The following ANOS1 variants were observed in gnomAD, a reference collection of about 807,000 sequenced individuals.
ANOS1 encodes the protein anosmin 1, also known as anosmin-1.
A neutral mutation model predicts 59.0 loss-of-function variants in ANOS1; 6 were observed. The ratio of observed to expected loss-of-function variants is 0.10; its 90% CI spans 0.06 to 0.20. ANOS1 has a LOEUF of 0.20. Ranked by LOEUF, ANOS1 falls within the 10% of genes least tolerant of loss-of-function variation. ANOS1 has a pLI of 1.00. For missense variants in ANOS1, 433 were observed against 542.3 expected, an observed-to-expected ratio of 0.80 and a Z score of 2.00; for synonymous variants, 217 against 223.4, an observed-to-expected ratio of 0.97 and a Z score of 0.25.
chrX:8,732,005 G>T lies in ANOS1; in HGVS notation c.32C>A (p.Thr11Asn), dbSNP rs1449849194. The change falls in exon 1 of 14, where the codon ACC (threonine) becomes AAC (asparagine). Residue 11 changes from threonine (T) to asparagine (N), a missense_variant. Transcript: ENST00000262648. MVPGVPGAVL[T>N]LCLWLAASSG... The stretch of plus-strand genomic sequence containing the variant: ...GGAGGCCGCCAGCCAGAGGCAGAGG[G>T]TCAGGACCGCGCCGGGCACCCCGGG... 1 of 1,049,942 alleles carries T rather than the reference G, an allele frequency of 9.5e-7. No individual in the cohort carries two copies. Among genetic ancestry groups the T allele is most frequent in the East Asian group, 4.2e-5 (1 of 24,003 alleles). The allele number at this position is 1,049,942 out of a possible 1,213,427, so 86.5% of individuals were successfully genotyped here. A position where few individuals can be genotyped will look rare whatever the true frequency, so the allele number is the denominator to read the frequency against.
At chrX:8,558,194 A>G (rs1190615168) in intron 8 of ANOS1, among the ~76,000 whole-genome samples, 1 of 110,538 alleles carries the variant, frequency 9.0e-6, no homozygotes, top group African/African-American at 3.3e-5. Flanking sequence ...AAGGGGAGGG[A>G]CAGTGTTAGG....
At chrX:8,666,028 C>G (rs1932128320) in intron 2 of ANOS1, among the ~76,000 whole-genome samples, 1 of 109,200 alleles carries the variant, frequency 9.2e-6, no homozygotes, top group African/African-American at 3.4e-5. Context: ...ATAGCAAGAT[C>G]TTGTCTCTTC....
chrX:8,532,934 C>T lies in ANOS1; in HGVS notation c.*61G>A, dbSNP rs192225078. ...ACTGCCTCTGGAAGTGTGCATGTCT[C>T]GTGGCCGAAGTTCAACAAGCTTACA... is the stretch of plus-strand genomic sequence containing the variant. On this transcript the variant is annotated 3_prime_UTR_variant, in exon 14 of 14. Coordinates refer to ENST00000262648, the MANE Select transcript of ANOS1 (RefSeq NM_000216.4). 18 of 726,492 alleles carry T rather than the reference C, an allele frequency of 2.5e-5. No individual in the cohort carries two copies. In the East Asian group the frequency reaches 2.9e-4, roughly 12 times the overall value. 59.9% of individuals were successfully genotyped at this position (726,492 alleles called of 1,213,427 possible). A position where few individuals can be genotyped will look rare whatever the true frequency, so the allele number is the denominator to read the frequency against.
chrX:8,695,199 C>G (rs762462154), intron 2 of ANOS1, among the ~76,000 whole-genome samples: 36 of 111,805 alleles, frequency 3.2e-4, no homozygotes, highest in African/African-American at 1.1e-3. Flanking sequence ...GTAATCCCAG[C>G]TACTGGGGAG....
intron 1 of ANOS1, among the ~76,000 whole-genome samples, chrX:8,724,544 G>A (rs1023950790): frequency 1.8e-5 from 2 of 112,283 alleles, no homozygotes; most frequent in Non-Finnish European, 1.9e-5. Flanking sequence ...AGAGCCAATC[G>A]CCATGGTCTG....
chrX:8,621,399 T>C (rs928507192), intron 3 of ANOS1, among the ~76,000 whole-genome samples: 4 of 110,205 alleles, frequency 3.6e-5, no homozygotes, highest in Non-Finnish European at 7.6e-5. Context: ...TATAGATGTA[T>C]AGTTTGTGTA....
intron 1 of ANOS1, among the ~76,000 whole-genome samples, chrX:8,718,222 A>G (rs1932852876): frequency 9.0e-6 from 1 of 110,954 alleles, no homozygotes; most frequent in Non-Finnish European, 1.9e-5. Context: ...TTGAGGACAC[A>G]GTCTCACTCT....
intron 1 of ANOS1, among the ~76,000 whole-genome samples, chrX:8,719,647 C>T (rs1395475213): frequency 8.9e-6 from 1 of 111,839 alleles, no homozygotes; most frequent in Non-Finnish European, 1.9e-5. Flanking sequence ...TCCCAAAATG[C>T]TGGGATTACA....
At chrX:8,608,440 T>C (rs1930981407) in intron 3 of ANOS1, among the ~76,000 whole-genome samples, 1 of 111,973 alleles carries the variant, frequency 8.9e-6, no homozygotes, top group African/African-American at 3.2e-5. Flanking sequence ...TTTGCTCATC[T>C]CATTTTGCAA....
intron 8 of ANOS1, among the ~76,000 whole-genome samples, chrX:8,567,443 G>T (rs1328678448): frequency 1.1e-5 from 1 of 94,370 alleles, no homozygotes; most frequent in Non-Finnish European, 2.4e-5. Context: ...TTTGGTCTCT[G>T]CCTTCAAAAG....
chrX:8,587,743 T>C, intron 5 of ANOS1, 51 bp downstream of exon 5: 1 of 1,024,846 alleles, frequency 9.8e-7, no homozygotes, highest in Non-Finnish European at 1.4e-6. Context: ...CGTAGCTATG[T>C]AGCAGACACT....
intron 6 of ANOS1, among the ~76,000 whole-genome samples, chrX:8,574,965 T>C (rs779099820): frequency 1.2e-4 from 14 of 112,157 alleles, no homozygotes; most frequent in African/African-American, 4.2e-4. Context: ...AGGAGGAATG[T>C]TTGCTTGTTT....
chrX:8,676,227 C>T (rs1932335946), intron 2 of ANOS1, among the ~76,000 whole-genome samples: 1 of 111,281 alleles, frequency 9.0e-6, no homozygotes, highest in Admixed American at 9.6e-5. Context: ...TATTGGGTTC[C>T]TATATGTCTC....
chrX:8,711,287 A>G (rs41377848), intron 1 of ANOS1, among the ~76,000 whole-genome samples: 6,640 of 112,518 alleles, frequency 0.059, 221 homozygotes, highest in African/African-American at 0.12. Context: ...TGGCAAGTTA[A>G]TAGCAATTCA....
intron 2 of ANOS1, among the ~76,000 whole-genome samples, chrX:8,648,458 C>CAAAAAAAAAAAAA (rs765958124): frequency 2.1e-5 from 1 of 48,664 alleles, no homozygotes. Context: ...AAAATTCCGT[C>CAAAAAAAAAAAAA]AAAAAAAAAA....
chrX:8,551,269 A>G (rs142302948), intron 9 of ANOS1, among the ~76,000 whole-genome samples: 1 of 112,419 alleles, frequency 8.9e-6, no homozygotes, highest in African/African-American at 3.2e-5. Context: ...CCTTTGTATG[A>G]AAAAGGATTT....
intron 1 of ANOS1, among the ~76,000 whole-genome samples, chrX:8,722,663 C>T (rs1361242743): frequency 8.9e-6 from 1 of 112,000 alleles, no homozygotes; most frequent in Non-Finnish European, 1.9e-5. Context: ...GCTGGTTCCA[C>T]ATTTTTGCAA....
At chrX:8,598,945 G>A (rs763874080) in intron 3 of ANOS1, among the ~76,000 whole-genome samples, 6 of 111,585 alleles carry the variant, frequency 5.4e-5, no homozygotes, top group African/African-American at 2.0e-4. Flanking sequence ...GCTTGCAGAT[G>A]GTGGGGGATG....
At chrX:8,653,794 C>T (rs1931886523) in intron 2 of ANOS1, among the ~76,000 whole-genome samples, 1 of 111,839 alleles carries the variant, frequency 8.9e-6, no homozygotes, top group Non-Finnish European at 1.9e-5. Context: ...TGTCTTTTCA[C>T]CCTATGGTCC....
Sources: gnomAD v4.1 joint callset for allele counts (sites outside exome capture counted in the v4.1 genomes callset) on GRCh38, gnomAD v4.1.1 for gene constraint, MANE v1.5 for transcripts, NCBI Gene and HGNC (gene_info 2026-07-23, HGNC 2026-07-21) for gene names.